Variants in TACR1 observed in about 807,000 individuals in gnomAD.
TACR1 encodes tachykinin receptor 1.
Under a neutral mutation model 35.8 loss-of-function variants are expected in TACR1, and 25 were observed. The observed-to-expected ratio is 0.70, with a 90% CI of 0.51 to 0.98. The LOEUF is 0.98. TACR1 is among the 50% of genes least tolerant of loss of function. TACR1 has a pLI of 0.00. For missense variants in TACR1, 478 were observed against 522.9 expected (o/e 0.91, Z 0.84); for synonymous variants, 195 against 206.7 (o/e 0.94, Z 0.48).
chr2:75,107,537 CAAGGAAAGAAGA>C (rs1404357967), intron 2 of TACR1, among the ~76,000 whole-genome samples: 2 of 149,574 alleles, frequency 1.3e-5, no homozygotes, highest in Admixed American at 6.7e-5. Context: ...ATGGAGGAAG[CAAGGAAAGAAGA>C]AAGGAAGGAA....
intron 1 of TACR1, among the ~76,000 whole-genome samples, chr2:75,186,148 C>G (rs1359013195): frequency 3.3e-5 from 5 of 151,516 alleles, no homozygotes; most frequent in African/African-American, 1.2e-4. Flanking sequence ...CTGAGGCGGG[C>G]GGATCACGAG....
intron 2 of TACR1, among the ~76,000 whole-genome samples, chr2:75,082,850 A>G (rs993713683): frequency 1.3e-5 from 2 of 152,148 alleles, no homozygotes; most frequent in Admixed American, 1.3e-4. Flanking sequence ...AGTAGATTGC[A>G]AAAATTTTCT....
intron 1 of TACR1, among the ~76,000 whole-genome samples, 175 bp downstream of exon 1, chr2:75,198,371 G>C (rs1357337203): frequency 6.6e-6 from 1 of 152,162 alleles, no homozygotes; most frequent in East Asian, 1.9e-4. Flanking sequence ...AGGAAAAAAA[G>C]TTGAAATACA....
chr2:75,084,202 T>C (rs1673146854), intron 2 of TACR1, among the ~76,000 whole-genome samples: 1 of 152,262 alleles, frequency 6.6e-6, no homozygotes, highest in African/African-American at 2.4e-5. Context: ...TTTTTGTCAT[T>C]GGTTCTGTTT....
intron 2 of TACR1, among the ~76,000 whole-genome samples, chr2:75,108,747 A>G (rs1673697101): frequency 6.6e-6 from 1 of 152,206 alleles, no homozygotes; most frequent in Non-Finnish European, 1.5e-5. Flanking sequence ...CTTAATCATT[A>G]TTAGAATCAA....
chr2:75,117,729 G>A (rs73935541), intron 2 of TACR1, among the ~76,000 whole-genome samples: 5,328 of 152,218 alleles, frequency 0.035, 295 homozygotes, highest in African/African-American at 0.12. Context: ...CCTTACATGT[G>A]CTCAGAACAC....
chr2:75,162,043 CAAAAAAAA>C (rs35438025), intron 1 of TACR1, among the ~76,000 whole-genome samples: 6 of 94,198 alleles, frequency 6.4e-5, no homozygotes, highest in African/African-American at 2.5e-4. Context: ...TTGACTCTTC[CAAAAAAAA>C]AAAAAAAAAA....
Position 75,049,679 on chromosome 2 carries a change from A to C in TACR1, c.977T>G (p.Ile326Ser). Reference protein sequence around the residue: ...FKHAFRCCPFISAGDYEGLEM... With the variant: ...FKHAFRCCPFSSAGDYEGLEM... The stretch of plus-strand genomic sequence containing the variant: ...CAGCCCCTCATAGTCGCCGGCGCTG[A>C]TGAAGGGGCAGCACCGGAAGGCATG... Residue 326 changes from isoleucine to serine, a missense_variant, in exon 5 of 5, where the codon ATC becomes AGC. Transcript: ENST00000305249. 1 of 1,614,106 alleles carries C rather than the reference A, an allele frequency of 6.2e-7. No individual in the cohort carries two copies. The highest frequency in any genetic ancestry group is 8.5e-7 in the Non-Finnish European group (1 of 1,180,012).
intron 1 of TACR1, chr2:75,154,401 A>AGCGCGCTCGTGCGC (rs142809732): frequency 1.3e-5 from 1 of 76,444 alleles, no homozygotes; most frequent in African/African-American, 5.8e-5. Context: ...ATCAGCCAAG[A>AGCGCGCTCGTGCGC]GCGCGCACGC....
At chr2:75,050,669 G>A (rs1428144810) in intron 4 of TACR1, among the ~76,000 whole-genome samples, 1 of 152,214 alleles carries the variant, frequency 6.6e-6, no homozygotes, top group African/African-American at 2.4e-5. Context: ...TTGACTAAGT[G>A]AGGGCAGGAA....
At position 75,153,625 on chromosome 2, in the gene TACR1, A is replaced by G. The variant is rs190526369; in HGVS notation, c.390-32857T>C. 3.9e-5 allele frequency among the ~76,000 whole-genome samples: 6 copies of G among 152,328 alleles called. No homozygotes were observed. In the East Asian group the frequency reaches 1.2e-3, roughly 29 times the overall value. Reference sequence around the variant, plus strand: ...TTAAAATACATCTCTTAATTCTTAGAGTATTATTGAAATTGTGTACAACTT... The same window carrying G: ...TTAAAATACATCTCTTAATTCTTAGGGTATTATTGAAATTGTGTACAACTT... On this transcript the variant is annotated intron_variant, in intron 1 of 4. Coordinates refer to ENST00000305249, the MANE Select transcript of TACR1 (RefSeq NM_001058.4).
intron 2 of TACR1, among the ~76,000 whole-genome samples, chr2:75,064,876 C>T (rs773132729): frequency 2.1e-4 from 32 of 152,112 alleles, no homozygotes; most frequent in South Asian, 2.1e-4. Context: ...CTGGTGGCGA[C>T]CACAAAGCTC....
At chr2:75,079,259 A>T (rs1673034828) in intron 2 of TACR1, among the ~76,000 whole-genome samples, 1 of 151,932 alleles carries the variant, frequency 6.6e-6, no homozygotes, top group Non-Finnish European at 1.5e-5. Flanking sequence ...TTCCTGTCCA[A>T]CACATGGCCG....
intron 1 of TACR1, among the ~76,000 whole-genome samples, chr2:75,138,388 C>T (rs926827544): frequency 1.3e-4 from 20 of 152,180 alleles, no homozygotes; most frequent in African/African-American, 3.9e-4. Flanking sequence ...ACTTTGCTTT[C>T]GACCCATGAA....
chr2:75,144,972 G>A (rs980890096), intron 1 of TACR1, among the ~76,000 whole-genome samples: 4 of 152,074 alleles, frequency 2.6e-5, no homozygotes, highest in African/African-American at 7.2e-5. Context: ...AGATAAAATA[G>A]AGTATAGTAG....
chr2:75,098,722 C>A (rs1572929144), intron 2 of TACR1, among the ~76,000 whole-genome samples: 1 of 152,214 alleles, frequency 6.6e-6, no homozygotes, highest in East Asian at 1.9e-4. Flanking sequence ...TGGGTTGGTC[C>A]CATTAGCTAA....
chr2:75,175,707 C>A (rs887594876), intron 1 of TACR1, among the ~76,000 whole-genome samples: 2 of 152,124 alleles, frequency 1.3e-5, no homozygotes, highest in Non-Finnish European at 2.9e-5. Flanking sequence ...ACCCAGAATG[C>A]CCAGGGAAAC....
chr2:75,130,254 A>G (rs749856676), intron 1 of TACR1, among the ~76,000 whole-genome samples: 3 of 152,194 alleles, frequency 2.0e-5, no homozygotes, highest in African/African-American at 2.4e-5. Context: ...AGGTAAGACA[A>G]TCACTAATCA....
chr2:75,053,434 A>G (rs1040295766), intron 3 of TACR1, among the ~76,000 whole-genome samples, 171 bp downstream of exon 3: 47 of 152,206 alleles, frequency 3.1e-4, no homozygotes, highest in Admixed American at 9.8e-4. Context: ...CTGTCCAGCC[A>G]GATCTGGGTT....
Sources: allele counts gnomAD v4.1 joint callset (sites outside exome capture counted in the v4.1 genomes callset), GRCh38; gene constraint gnomAD v4.1.1; transcripts MANE v1.5; gene names NCBI Gene and HGNC (gene_info 2026-07-23, HGNC 2026-07-21).